The following NUP62CL variants were observed in gnomAD, a reference collection of about 807,000 sequenced individuals.
The protein encoded by NUP62CL is nucleoporin 62 C-terminal like.
In NUP62CL, 13 loss-of-function variants were observed where a neutral mutation model predicts 15.3. The ratio of observed to expected loss-of-function variants is 0.85; its 90% confidence interval spans 0.55 to 1.35. The LOEUF (loss-of-function observed/expected upper bound fraction) is 1.35, where lower values mean the gene tolerates loss of function less well. NUP62CL is among the 40% of genes most tolerant of loss of function. The pLI, the probability that NUP62CL is intolerant of heterozygous loss-of-function variation, is 0.00. For synonymous variants in NUP62CL, 54 were observed against 49.2 expected (o/e 1.10, Z -0.41); for missense variants, 123 against 130.6 (o/e 0.94, Z 0.28).
At position 107,193,923 on chromosome X, in the gene NUP62CL, C is replaced by T. The variant is rs980204489; in HGVS notation, c.-91-851G>A. Among the ~76,000 whole-genome samples the T allele has an allele frequency of 2.7e-5, 3 of 110,737 alleles. No homozygotes were observed. The Admixed American group carries it at 2.9e-4, about 11-fold the overall frequency. ...AAGAACCAAAAGGAAATCCAAGAAACGCCTAACAGTATTAGAAATAAAAAT... is the reference window on the plus strand; with the variant it reads ...AAGAACCAAAAGGAAATCCAAGAAATGCCTAACAGTATTAGAAATAAAAAT... On this transcript the variant is annotated intron_variant, in intron 1 of 8. Transcript: ENST00000372466.
chrX:107,171,478 T>A (rs185996291), intron 3 of NUP62CL, among the ~76,000 whole-genome samples: 4 of 111,769 alleles, frequency 3.6e-5, no homozygotes, highest in African/African-American at 1.3e-4. Context: ...CTCAAAATCA[T>A]GACAAAAAGT....
chrX:107,156,029 G>A (rs1412086356), intron 4 of NUP62CL, among the ~76,000 whole-genome samples: 1 of 111,153 alleles, frequency 9.0e-6, no homozygotes, highest in Non-Finnish European at 1.9e-5. Context: ...GGACGCACCT[G>A]GAAAATCGGG....
At chrX:107,155,419 C>A (rs1419227169) in intron 4 of NUP62CL, among the ~76,000 whole-genome samples, 2 of 112,621 alleles carry the variant, frequency 1.8e-5, no homozygotes, top group African/African-American at 6.5e-5. Context: ...TCCCCCTGAT[C>A]TGGGGGCTCC....
At chrX:107,141,633 C>A (rs1468684680) in intron 8 of NUP62CL, among the ~76,000 whole-genome samples, 4 of 111,885 alleles carry the variant, frequency 3.6e-5, no homozygotes, top group African/African-American at 1.3e-4. Flanking sequence ...AACAACCTTG[C>A]TCAGTAAATC....
At chrX:107,184,696 T>A (rs1927012046) in intron 2 of NUP62CL, among the ~76,000 whole-genome samples, 2 of 111,311 alleles carry the variant, frequency 1.8e-5, no homozygotes, top group African/African-American at 6.5e-5. Flanking sequence ...GGTGAAAATG[T>A]TCCAAATTTA....
Position 107,163,967 on chromosome X carries a change from C to G in NUP62CL, c.194+3682G>C, listed in dbSNP as rs777312533. On this transcript the variant is annotated intron_variant, in intron 4 of 8. Transcript: ENST00000372466. ...GAAAGAACTACTAGACAGAAAGACT[C>G]CAATAACACAGTATCTGAAATTACA... Among the ~76,000 whole-genome samples, 4 of 111,940 alleles carry G rather than the reference C, an allele frequency of 3.6e-5. No homozygotes were observed. The East Asian group carries it at 1.1e-3, about 31-fold the overall frequency.
intron 3 of NUP62CL, among the ~76,000 whole-genome samples, chrX:107,173,126 A>G (rs761078065): frequency 2.6e-4 from 29 of 112,650 alleles, no homozygotes; most frequent in Non-Finnish European, 5.1e-4. Flanking sequence ...AGAGAACAAC[A>G]TAATATTAAC....
chrX:107,163,381 TAA>T (rs1162670216), intron 4 of NUP62CL, among the ~76,000 whole-genome samples: 6 of 110,632 alleles, frequency 5.4e-5, no homozygotes, highest in Non-Finnish European at 1.1e-4. Context: ...AAAAACACTA[TAA>T]ACAGAACAAG....
At chrX:107,167,514 A>T in intron 4 of NUP62CL, 135 bp downstream of exon 4, 1 of 433,757 alleles carries the variant, frequency 2.3e-6, no homozygotes, top group Middle Eastern at 6.4e-4. Context: ...AGCTACAGAA[A>T]TCTTTCTCTT....
At chrX:107,131,460 CATGGAGCTTTATA>C (rs1925513691) in intron 8 of NUP62CL, among the ~76,000 whole-genome samples, 1 of 112,136 alleles carries the variant, frequency 8.9e-6, no homozygotes, top group African/African-American at 3.2e-5. Flanking sequence ...TGTTTGTTAA[CATGGAGCTTTATA>C]ATGGATAGTA....
chrX:107,174,188 G>A (rs181536395), intron 3 of NUP62CL, among the ~76,000 whole-genome samples: 9 of 90,752 alleles, frequency 9.9e-5, no homozygotes, highest in East Asian at 3.5e-4. Context: ...GTGTTACTCC[G>A]TCACCCAGGC....
rs150480098 is a variant in NUP62CL at position 107,166,859 on chromosome X, T to C, written c.194+790A>G. Among the ~76,000 whole-genome samples the C allele has an allele frequency of 8.1e-4, 91 of 111,874 alleles. No homozygotes were observed. In the East Asian group the frequency reaches 0.017, roughly 21 times the overall value. On this transcript the variant is annotated intron_variant, in intron 4 of 8. Coordinates refer to ENST00000372466, the MANE Select transcript of NUP62CL (RefSeq NM_017681.3). The stretch of plus-strand genomic sequence containing the variant: ...ATATGACTCTATCTGTACAACACTC[T>C]TGAAATGTCAAGATTATAGAAATAG...
chrX:107,155,922 C>T (rs1026417003), intron 4 of NUP62CL, among the ~76,000 whole-genome samples: 2 of 112,061 alleles, frequency 1.8e-5, no homozygotes, highest in Non-Finnish European at 3.8e-5. Flanking sequence ...AGTGGGTGCG[C>T]GCACCGTGCG....
chrX:107,165,316 T>A (rs781352045), intron 4 of NUP62CL, among the ~76,000 whole-genome samples: 56 of 107,950 alleles, frequency 5.2e-4, no homozygotes, highest in Non-Finnish European at 8.1e-4. Context: ...AAAAAAAAAA[T>A]AATAATAATA....
intron 8 of NUP62CL, chrX:107,131,996 G>T (rs1161438354): frequency 2.3e-5 from 23 of 995,374 alleles, no homozygotes; most frequent in Non-Finnish European, 3.1e-5. Flanking sequence ...AACATAGGTG[G>T]GATGGAATGG....
chrX:107,133,010 G>A (rs1212895976), intron 8 of NUP62CL, among the ~76,000 whole-genome samples: 3 of 111,359 alleles, frequency 2.7e-5, no homozygotes, highest in Non-Finnish European at 5.7e-5. Context: ...TTGGGGTTGG[G>A]GGCAAATCCA....
chrX:107,145,921 T>C (rs1925873375), intron 8 of NUP62CL, among the ~76,000 whole-genome samples: 1 of 111,895 alleles, frequency 8.9e-6, no homozygotes, highest in Admixed American at 9.5e-5. Flanking sequence ...TTTCCTGAGA[T>C]TAGATTCAAG....
chrX:107,141,004 G>T (rs1925754836), intron 8 of NUP62CL, among the ~76,000 whole-genome samples: 1 of 112,549 alleles, frequency 8.9e-6, no homozygotes, highest in Non-Finnish European at 1.9e-5. Flanking sequence ...CTGCTATTTG[G>T]AAGTGATTTA....
chrX:107,160,502 A>G (rs1365727776), intron 4 of NUP62CL, among the ~76,000 whole-genome samples: 1 of 108,828 alleles, frequency 9.2e-6, no homozygotes, highest in East Asian at 2.9e-4. Flanking sequence ...CTGATCTTTG[A>G]CAAATCTGAG....
Sources: gnomAD v4.1 joint callset for allele counts (sites outside exome capture counted in the v4.1 genomes callset) on GRCh38, gnomAD v4.1.1 for gene constraint, MANE v1.5 for transcripts, NCBI Gene and HGNC (gene_info 2026-07-23, HGNC 2026-07-21) for gene names.